Variants in PCDH9 observed in about 807,000 individuals in gnomAD.
The protein encoded by PCDH9 is protocadherin 9.
In PCDH9, 24 loss-of-function variants were observed where a neutral mutation model predicts 70.6. That is an observed-to-expected ratio of 0.34 (90% CI 0.25 to 0.48). The LOEUF (loss-of-function observed/expected upper bound fraction) is 0.48, where lower values mean the gene tolerates loss of function less well. Ranked by LOEUF, PCDH9 falls within the 20% of genes least tolerant of loss-of-function variation. The probability of loss-of-function intolerance (pLI) is 0.99; values close to 1 mark genes in which losing one functional copy is unlikely to be tolerated. For missense variants in PCDH9, 1,281 were observed against 1,503.6 expected (o/e 0.85, Z 2.45); for synonymous variants, 562 against 558.5 (o/e 1.01, Z -0.09).
chr13:66,650,771 C>A (rs2077840072), intron 3 of PCDH9, among the ~76,000 whole-genome samples: 1 of 151,742 alleles, frequency 6.6e-6, no homozygotes, highest in Non-Finnish European at 1.5e-5. Context: ...CAAGGGTAGA[C>A]CATATATCAG....
At chr13:66,453,409 C>G (rs1285077292) in intron 4 of PCDH9, among the ~76,000 whole-genome samples, 1 of 152,160 alleles carries the variant, frequency 6.6e-6, no homozygotes, top group African/African-American at 2.4e-5. Context: ...CATTTTTTCA[C>G]ATAGTGATAG....
chr13:66,400,999 A>C, intron 4 of PCDH9, among the ~76,000 whole-genome samples: 1 of 152,198 alleles, frequency 6.6e-6, no homozygotes, highest in East Asian at 1.9e-4. Flanking sequence ...TAGAAATGAC[A>C]CGACTTTCTG....
intron 3 of PCDH9, among the ~76,000 whole-genome samples, chr13:66,829,319 G>C (rs1372728487): frequency 6.6e-6 from 1 of 152,044 alleles, no homozygotes; most frequent in Non-Finnish European, 1.5e-5. Context: ...TCCCGGCCGG[G>C]AATCTTTTTA....
chr13:66,539,457 C>A (rs1960851228), intron 4 of PCDH9, among the ~76,000 whole-genome samples: 1 of 151,968 alleles, frequency 6.6e-6, no homozygotes, highest in African/African-American at 2.4e-5. Context: ...TAGGGCCTTT[C>A]CCCCTTTTGC....
At chr13:66,567,271 G>C (rs545312777) in intron 4 of PCDH9, among the ~76,000 whole-genome samples, 2 of 152,224 alleles carry the variant, frequency 1.3e-5, no homozygotes, top group African/African-American at 4.8e-5. Flanking sequence ...TCTAATTAGG[G>C]AGGAAAAGTT....
chr13:66,664,707 C>G (rs1432344282), intron 3 of PCDH9, among the ~76,000 whole-genome samples: 1 of 152,108 alleles, frequency 6.6e-6, no homozygotes, highest in Non-Finnish European at 1.5e-5. Flanking sequence ...CTTAAAGAGA[C>G]AGGCATAGTG....
chr13:66,948,271 A>C (rs537208565), intron 2 of PCDH9, among the ~76,000 whole-genome samples: 19 of 152,260 alleles, frequency 1.2e-4, no homozygotes, highest in South Asian at 1.2e-3. Context: ...GATGCAGTTC[A>C]TGCCAGTATA....
chr13:66,539,368 A>G lies in PCDH9; in HGVS notation c.3340+91842T>C, dbSNP rs1342662785. Among the ~76,000 whole-genome samples, 46 of 152,072 alleles carry G rather than the reference A, an allele frequency of 3.0e-4. 1 individual carries two copies. The highest frequency in any genetic ancestry group is 3.0e-3 in the Admixed American group (46 of 15,252). ...GTGTCATGGGAGGGACTCGGAAGAA[A>G]GTAATTGAATCATGGGTGTGGTTAC... On this transcript the variant is annotated intron_variant, in intron 4 of 4. Transcript: ENST00000377865.
chr13:66,594,263 C>T (rs1384078109), intron 4 of PCDH9, among the ~76,000 whole-genome samples: 1 of 151,594 alleles, frequency 6.6e-6, no homozygotes, highest in African/African-American at 2.4e-5. Context: ...TCTTTCGAAT[C>T]AAAGGCAAAA....
At chr13:66,887,847 C>A (rs1034352045) in intron 3 of PCDH9, among the ~76,000 whole-genome samples, 4 of 152,030 alleles carry the variant, frequency 2.6e-5, no homozygotes, top group African/African-American at 9.7e-5. Context: ...CATTTTTCCA[C>A]ATAACAAGGA....
chr13:66,555,491 T>G (rs1961693428), intron 4 of PCDH9, among the ~76,000 whole-genome samples: 1 of 152,082 alleles, frequency 6.6e-6, no homozygotes, highest in African/African-American at 2.4e-5. Flanking sequence ...AGATTTGTGT[T>G]ATTTCTTTTA....
At chr13:66,603,539 G>A (rs1489647241) in intron 4 of PCDH9, among the ~76,000 whole-genome samples, 1 of 151,832 alleles carries the variant, frequency 6.6e-6, no homozygotes, top group Non-Finnish European at 1.5e-5. Flanking sequence ...GACTGAGTAG[G>A]CACTTACAAG....
intron 4 of PCDH9, among the ~76,000 whole-genome samples, chr13:66,370,473 G>C (rs1956627493): frequency 6.8e-6 from 1 of 147,778 alleles, no homozygotes; most frequent in Non-Finnish European, 1.5e-5. Flanking sequence ...TTGTTTCTTT[G>C]TTTGTTTTGT....
At position 66,944,815 on chromosome 13, in the gene PCDH9, CTCTG is replaced by C. The variant is rs1467216408; in HGVS notation, c.3037-41214_3037-41211del. On this transcript the variant is annotated intron_variant, in intron 2 of 4. Coordinates refer to ENST00000377865, the MANE Select transcript of PCDH9 (RefSeq NM_203487.3). Reference sequence around the variant, plus strand: ...CATTTAAGGCCCATCTTCTAATCGTCTCTGTGTGTGTGTGTGTGTGTGTGTGTGT... The same window carrying C: ...CATTTAAGGCCCATCTTCTAATCGTCTGTGTGTGTGTGTGTGTGTGTGTGT... Among the ~76,000 whole-genome samples, 190 of 60,138 alleles carry C rather than the reference CTCTG, an allele frequency of 3.2e-3. 2 individuals carry two copies. The highest frequency in any genetic ancestry group is 0.014 in the African/African-American group (177 of 12,540). The allele number at this position is 60,138 out of a possible 152,430, so 39.5% of individuals were successfully genotyped here.
At chr13:66,573,884 A>G (rs1318593335) in intron 4 of PCDH9, among the ~76,000 whole-genome samples, 1 of 152,126 alleles carries the variant, frequency 6.6e-6, no homozygotes, top group Admixed American at 6.6e-5. Flanking sequence ...TGGAGTGTTC[A>G]GTTAATTTTT....
chr13:67,040,052 C>CTA (rs1363281105), intron 2 of PCDH9, among the ~76,000 whole-genome samples: 2 of 152,008 alleles, frequency 1.3e-5, no homozygotes, highest in Non-Finnish European at 2.9e-5. Context: ...GTCCATAATA[C>CTA]TAAAGCACTT....
intron 2 of PCDH9, among the ~76,000 whole-genome samples, chr13:67,092,149 A>G (rs926508446): frequency 6.6e-6 from 1 of 152,138 alleles, no homozygotes; most frequent in Admixed American, 6.5e-5. Context: ...AGGTGAAATA[A>G]TTGATTTTGT....
chr13:67,166,550 G>C (rs2088121322), intron 2 of PCDH9, among the ~76,000 whole-genome samples: 1 of 152,098 alleles, frequency 6.6e-6, no homozygotes. Flanking sequence ...TTTGGTAACT[G>C]TTTCAATTTG....
intron 2 of PCDH9, among the ~76,000 whole-genome samples, chr13:66,995,964 A>AT (rs3043131): frequency 2.0e-5 from 3 of 152,008 alleles, no homozygotes; most frequent in Non-Finnish European, 2.9e-5. Flanking sequence ...AACTTCATTT[A>AT]TTTTTTTTCA....
Sources: gnomAD v4.1 joint callset for allele counts (sites outside exome capture counted in the v4.1 genomes callset) on GRCh38, gnomAD v4.1.1 for gene constraint, MANE v1.5 for transcripts, NCBI Gene and HGNC (gene_info 2026-07-23, HGNC 2026-07-21) for gene names.